The following TRIM9 variants were observed in gnomAD, a reference collection of about 807,000 sequenced individuals.
TRIM9 encodes the protein tripartite motif containing 9.
Under a neutral mutation model 78.3 loss-of-function variants are expected in TRIM9, and 26 were observed. The observed-to-expected ratio is 0.33, with a 90% CI of 0.24 to 0.46. TRIM9 has a LOEUF of 0.46. Among genes scored for constraint, TRIM9 ranks in the 20% least tolerant of loss-of-function variants. The pLI is 1.00. For missense variants in TRIM9, 787 were observed against 1,036.4 expected (o/e 0.76, Z 3.30); for synonymous variants, 398 against 416.5 (o/e 0.96, Z 0.54).
chr14:51,032,690 C>A (rs551451017), intron 1 of TRIM9, among the ~76,000 whole-genome samples: 40 of 152,300 alleles, frequency 2.6e-4, no homozygotes, highest in African/African-American at 8.4e-4. Flanking sequence ...CCAGGGAACC[C>A]AGTCTAAAAT....
At chr14:51,083,649 T>C (rs1195207677) in intron 1 of TRIM9, among the ~76,000 whole-genome samples, 3 of 147,526 alleles carry the variant, frequency 2.0e-5, no homozygotes, top group African/African-American at 7.4e-5. Flanking sequence ...GAAGGAAATC[T>C]TGGAGTTACA....
chr14:51,083,097 G>A (rs1402151733), intron 1 of TRIM9, among the ~76,000 whole-genome samples: 1 of 152,192 alleles, frequency 6.6e-6, no homozygotes, highest in Admixed American at 6.5e-5. Flanking sequence ...AGACCACTAT[G>A]TACTTGGAAT....
intron 1 of TRIM9, among the ~76,000 whole-genome samples, chr14:51,086,336 A>G (rs2063749300): frequency 6.9e-6 from 1 of 145,756 alleles, no homozygotes; most frequent in African/African-American, 2.5e-5. Context: ...TGGATTATGA[A>G]GATTAAATGA....
At chr14:51,024,697 G>A (rs570742177) in intron 2 of TRIM9, among the ~76,000 whole-genome samples, 2 of 152,248 alleles carry the variant, frequency 1.3e-5, no homozygotes, top group East Asian at 1.9e-4. Context: ...GGGGATCATG[G>A]TTGAAAAATA....
chr14:51,018,282 C>A (rs987564907), intron 3 of TRIM9, among the ~76,000 whole-genome samples: 1 of 151,524 alleles, frequency 6.6e-6, no homozygotes, highest in African/African-American at 2.4e-5. Context: ...TGCCTGCCTG[C>A]CTGCCTTCCT....
intron 3 of TRIM9, among the ~76,000 whole-genome samples, chr14:51,021,447 C>T (rs1355957351): frequency 6.6e-6 from 1 of 152,222 alleles, no homozygotes; most frequent in Non-Finnish European, 1.5e-5. Context: ...CACCTCTCTC[C>T]TGGAAGCCCA....
intron 1 of TRIM9, among the ~76,000 whole-genome samples, chr14:51,052,017 AGGGAG>A (rs1282672628): frequency 1.1e-4 from 15 of 132,854 alleles, no homozygotes; most frequent in East Asian, 2.6e-4. Flanking sequence ...AGGGAGAGGA[AGGGAG>A]GGGAGGGGAG....
At chr14:51,053,119 C>T (rs551908904) in intron 1 of TRIM9, among the ~76,000 whole-genome samples, 47 of 149,046 alleles carry the variant, frequency 3.2e-4, no homozygotes, top group Non-Finnish European at 4.4e-4. Flanking sequence ...GAGATTGTGC[C>T]ACTGCATTCC....
intron 1 of TRIM9, among the ~76,000 whole-genome samples, chr14:51,074,958 G>A (rs2062628546): frequency 6.6e-6 from 1 of 152,170 alleles, no homozygotes; most frequent in Non-Finnish European, 1.5e-5. Flanking sequence ...AAAGAGGAGG[G>A]AATTTAAAGT....
intron 1 of TRIM9, among the ~76,000 whole-genome samples, chr14:51,048,704 G>T (rs951537952): frequency 6.6e-6 from 1 of 152,098 alleles, no homozygotes; most frequent in African/African-American, 2.4e-5. Context: ...CATCTCGGGG[G>T]CCGGGCGCAG....
In TRIM9 at chr14:51,020,783, T is replaced by A. The variant is rs1460353284; in HGVS notation, c.1041+2052A>T. Among the ~76,000 whole-genome samples, 4 of 152,216 alleles carry A rather than the reference T, an allele frequency of 2.6e-5. No individual in the cohort carries two copies. In the East Asian group the frequency reaches 7.7e-4, roughly 29 times the overall value. ...GCCTTCTGCCATTCTTTGATAGGGA[T>A]AAATGATGCATTCTCAATCATCAAA... On this transcript the variant is annotated intron_variant, in intron 3 of 12. Coordinates refer to ENST00000684578, the MANE Select transcript of TRIM9 (RefSeq NM_001387360.1).
chr14:51,091,794 C>T (rs1259283042), intron 1 of TRIM9, among the ~76,000 whole-genome samples: 1 of 152,102 alleles, frequency 6.6e-6, no homozygotes, highest in East Asian at 1.9e-4. Flanking sequence ...CTACTTATGT[C>T]ATGTTTCAAG....
chr14:51,093,564 G>A (rs1421961956), intron 1 of TRIM9, among the ~76,000 whole-genome samples: 2 of 152,360 alleles, frequency 1.3e-5, no homozygotes, highest in East Asian at 3.9e-4. Flanking sequence ...TCCAGCTCGA[G>A]AGCCAGGTCT....
intron 1 of TRIM9, among the ~76,000 whole-genome samples, chr14:51,069,562 C>T (rs539233109): frequency 2.0e-5 from 3 of 152,292 alleles, no homozygotes; most frequent in African/African-American, 7.2e-5. Flanking sequence ...CCGAGGCCCT[C>T]GGGACAAGCC....
At chr14:51,036,128 C>T (rs1056936197) in intron 1 of TRIM9, among the ~76,000 whole-genome samples, 8 of 152,090 alleles carry the variant, frequency 5.3e-5, no homozygotes, top group Admixed American at 2.0e-4. Flanking sequence ...TGCCCCGAGG[C>T]AAAAAGTGGC....
intron 10 of TRIM9, chr14:50,982,372 C>T (rs1245823536): frequency 2.0e-5 from 10 of 508,476 alleles, no homozygotes; most frequent in Non-Finnish European, 3.6e-6. Flanking sequence ...GAAGTGGCAT[C>T]GATTTTGGAA....
At chr14:50,987,075 C>G (rs1223871132) in intron 7 of TRIM9, among the ~76,000 whole-genome samples, 1 of 152,144 alleles carries the variant, frequency 6.6e-6, no homozygotes, top group Non-Finnish European at 1.5e-5. Context: ...CCAATTGAAG[C>G]CTTCTTAACA....
At chr14:51,033,928 A>G (rs764798049) in intron 1 of TRIM9, among the ~76,000 whole-genome samples, 7 of 152,242 alleles carry the variant, frequency 4.6e-5, no homozygotes, top group Non-Finnish European at 2.9e-5. Flanking sequence ...AAGAGAATAT[A>G]CCCATTGAAT....
chr14:51,014,919 A>C (rs2056992757), intron 3 of TRIM9, among the ~76,000 whole-genome samples: 1 of 152,156 alleles, frequency 6.6e-6, no homozygotes, highest in South Asian at 2.1e-4. Flanking sequence ...GGAAGGACAC[A>C]AACAGGGCCT....
Sources: allele counts gnomAD v4.1 joint callset (sites outside exome capture counted in the v4.1 genomes callset), GRCh38; gene constraint gnomAD v4.1.1; transcripts MANE v1.5; gene names NCBI Gene and HGNC (gene_info 2026-07-23, HGNC 2026-07-21).